Variants in FANCB observed in about 807,000 individuals in gnomAD.
The protein encoded by FANCB is Fanconi anemia group B protein.
Under a neutral mutation model 38.9 loss-of-function variants are expected in FANCB, and 5 were observed. The ratio of observed to expected loss-of-function variants is 0.13; its 90% CI spans 0.07 to 0.27. The LOEUF (loss-of-function observed/expected upper bound fraction) is 0.27, where lower values mean the gene tolerates loss of function less well. FANCB is among the 10% of genes least tolerant of loss of function. The pLI is 1.00. For synonymous variants in FANCB, 236 were observed against 215.4 expected, an observed-to-expected ratio of 1.10 and a Z score of -0.84; for missense variants, 573 against 602.7, an observed-to-expected ratio of 0.95 and a Z score of 0.52.
chrX:14,829,486 ATCT>A, the FANCB span, among the ~76,000 whole-genome samples: 10 of 111,473 alleles, frequency 9.0e-5, no homozygotes, highest in South Asian at 2.3e-3. Context: ...CCTAGATAAC[ATCT>A]TCTTCCTGTA....
At chrX:14,871,125 C>T (rs186546574) in intron 1 of FANCB, among the ~76,000 whole-genome samples, 9 of 110,159 alleles carry the variant, frequency 8.2e-5, no homozygotes, top group African/African-American at 3.0e-4. Context: ...TGAGTAAATG[C>T]GGGAGAATCG....
intron 1 of FANCB, among the ~76,000 whole-genome samples, chrX:14,869,670 T>C (rs1211494524): frequency 8.9e-6 from 1 of 112,344 alleles, no homozygotes; most frequent in Non-Finnish European, 1.9e-5. Flanking sequence ...AAAGCTTACA[T>C]GCCCCTTGCC....
At chrX:14,834,465 A>C, downstream of FANCB, 3 of 483,824 alleles carry the variant, frequency 6.2e-6, no homozygotes, top group Non-Finnish European at 1.1e-5. Flanking sequence ...TGTTTAAACT[A>C]TTTTCTTAAA....
Position 14,844,595 on chromosome X carries a change from C to T in FANCB, c.2073G>A (p.Val691=). 8.3e-7 allele frequency: 1 copy of T among 1,209,773 alleles called. No individual in the cohort carries two copies. Among genetic ancestry groups the T allele is most frequent in the Middle Eastern group, 2.3e-4 (1 of 4,348 alleles). Residue 691 remains valine, a synonymous_variant, in exon 9 of 10, where the codon GTG becomes GTA. Transcript: ENST00000650831. ...KCEIIKEFPE[V]YFCERPGSFY... is the part of the protein sequence containing the mutation. ...AACTTCCCGGTCTTTCACAAAAGTA[C>T]ACTTCTGGAAATTCTTTGATTATTT...
chrX:14,748,560 A>G, the FANCB span, among the ~76,000 whole-genome samples: 11 of 112,908 alleles, frequency 9.7e-5, no homozygotes, highest in African/African-American at 3.5e-4. Flanking sequence ...AACGACAACA[A>G]TGCATGATTT....
chrX:14,724,626 C>CAAAAAAAAAAAA, the FANCB span, among the ~76,000 whole-genome samples: 103 of 49,549 alleles, frequency 2.1e-3, 3 homozygotes, highest in African/African-American at 6.6e-3. Flanking sequence ...AACTCTGTCT[C>CAAAAAAAAAAAA]AAAAAAAAAA....
At chrX:14,709,433 G>GT in the FANCB span, among the ~76,000 whole-genome samples, 1 of 111,940 alleles carries the variant, frequency 8.9e-6, no homozygotes, top group African/African-American at 3.3e-5. Flanking sequence ...CTACAGACAA[G>GT]TTTTCTCTCT....
chrX:14,741,096 G>A, the FANCB span, among the ~76,000 whole-genome samples: 2 of 111,002 alleles, frequency 1.8e-5, no homozygotes, highest in African/African-American at 6.6e-5. Context: ...AATCAATATG[G>A]TATTTGTTCA....
At position 14,853,051 on chromosome X, in the gene FANCB, T is replaced by G. The variant is rs2092408394; in HGVS notation, c.1314A>C (p.Ser438=). 1 of 1,199,054 alleles carries G rather than the reference T, an allele frequency of 8.3e-7. No homozygotes were observed. Among genetic ancestry groups the G allele is most frequent in the Non-Finnish European group, 1.1e-6 (1 of 886,018 alleles). ...TGATTACTTTTACCTCCTCTGCACT[T>G]GACGTATTATCATCTTTTCCTTGAA... ...NLVQGKDDNT[S]SAEEKECLVP... The change falls in exon 6 of 10, where the codon TCA becomes TCC. Residue 438 remains serine (S), a synonymous_variant. Coordinates refer to ENST00000650831, the MANE Select transcript of FANCB (RefSeq NM_001018113.3).
the FANCB span, among the ~76,000 whole-genome samples, chrX:14,701,236 G>A: frequency 9.0e-6 from 1 of 110,944 alleles, no homozygotes; most frequent in East Asian, 2.8e-4. Flanking sequence ...AGGGTCCATC[G>A]GACGTAGGGG....
At chrX:14,761,515 T>C in the FANCB span, among the ~76,000 whole-genome samples, 1 of 110,128 alleles carries the variant, frequency 9.1e-6, no homozygotes, top group Non-Finnish European at 1.9e-5. Flanking sequence ...TGATTGGGCA[T>C]AGGATTGAAA....
At chrX:14,728,539 G>A in the FANCB span, among the ~76,000 whole-genome samples, 1 of 112,148 alleles carries the variant, frequency 8.9e-6, no homozygotes, top group South Asian at 3.7e-4. Context: ...GGCGAAGGAT[G>A]ACATGGAATA....
chrX:14,812,857 A>C, the FANCB span, among the ~76,000 whole-genome samples: 1 of 110,166 alleles, frequency 9.1e-6, no homozygotes, highest in Non-Finnish European at 1.9e-5. Flanking sequence ...GCAGAGATAC[A>C]ACCAAAAAAG....
the FANCB span, among the ~76,000 whole-genome samples, chrX:14,739,157 C>T: frequency 9.0e-6 from 1 of 111,572 alleles, no homozygotes; most frequent in African/African-American, 3.3e-5. Context: ...TTGAATGATT[C>T]AAGCAATATA....
chrX:14,819,106 C>A, the FANCB span, among the ~76,000 whole-genome samples: 1 of 112,171 alleles, frequency 8.9e-6, no homozygotes, highest in African/African-American at 3.2e-5. Context: ...CCCCAGCCCC[C>A]CTGGACAAAT....
At chrX:14,732,622 C>T in the FANCB span, among the ~76,000 whole-genome samples, 1 of 112,496 alleles carries the variant, frequency 8.9e-6, no homozygotes, top group African/African-American at 3.2e-5. Context: ...ATCTGCATTT[C>T]TCTAATGACC....
chrX:14,782,183 G>GA, the FANCB span, among the ~76,000 whole-genome samples: 1 of 111,738 alleles, frequency 8.9e-6, no homozygotes, highest in Non-Finnish European at 1.9e-5. Context: ...TCACTCAGAA[G>GA]AAAATGAGGA....
At chrX:14,847,347 A>T (rs1436507018) in intron 7 of FANCB, among the ~76,000 whole-genome samples, 1 of 112,103 alleles carries the variant, frequency 8.9e-6, no homozygotes, top group African/African-American at 3.2e-5. Flanking sequence ...TAATACAAAT[A>T]ATAATAAAAC....
At chrX:14,738,738 C>T in the FANCB span, among the ~76,000 whole-genome samples, 4 of 112,018 alleles carry the variant, frequency 3.6e-5, no homozygotes, top group Admixed American at 1.9e-4. Context: ...GGCCCTAAAC[C>T]GATGCTACAA....
Sources: gnomAD v4.1 joint callset for allele counts (sites outside exome capture counted in the v4.1 genomes callset) on GRCh38, gnomAD v4.1.1 for gene constraint, MANE v1.5 for transcripts, NCBI Gene and HGNC (gene_info 2026-07-23, HGNC 2026-07-21) for gene names.